UGT2B7: variants seen among roughly 807,000 people sequenced by gnomAD.
UGT2B7 encodes UDP-glucuronosyltransferase 2B7.
UGT2B7 carries 51 observed loss-of-function variants against 51.9 expected under a neutral mutation model. The observed-to-expected ratio is 0.98, with a 90% CI of 0.78 to 1.24. The LOEUF is 1.24. UGT2B7 is among the 50% of genes most tolerant of loss of function. The pLI, the probability that UGT2B7 is intolerant of heterozygous loss-of-function variation, is 0.00. For missense variants in UGT2B7, 727 were observed against 628.4 expected (o/e 1.16, Z -1.68); for synonymous variants, 225 against 211.6 (o/e 1.06, Z -0.55).
chr4:69,057,703 G>C (rs2109860537), intron 1 of UGT2B7, among the ~76,000 whole-genome samples: 1 of 152,346 alleles, frequency 6.6e-6, no homozygotes, highest in Admixed American at 6.5e-5. Flanking sequence ...TGAATGTGCT[G>C]TGTTGTAACT....
At chr4:69,092,197 C>T (rs11730928), upstream of UGT2B7, among the ~76,000 whole-genome samples, 20,928 of 152,160 alleles carry the variant, frequency 0.14, 1,653 homozygotes, top group East Asian at 0.22. Flanking sequence ...ATCTTGCCTC[C>T]CAAAGTTCTG....
intron 1 of UGT2B7, among the ~76,000 whole-genome samples, chr4:69,052,160 A>G (rs1718036544): frequency 6.6e-6 from 1 of 152,234 alleles, no homozygotes; most frequent in African/African-American, 2.4e-5. Flanking sequence ...CATCAGAAGG[A>G]AGCCTGGACA....
chr4:69,071,381 G>A (rs1209221084), intron 1 of UGT2B7, among the ~76,000 whole-genome samples: 1 of 152,096 alleles, frequency 6.6e-6, no homozygotes, highest in Non-Finnish European at 1.5e-5. Flanking sequence ...GGAATAAAGA[G>A]CCAAATACCA....
chr4:69,071,881 A>G (rs1421158999), intron 1 of UGT2B7, among the ~76,000 whole-genome samples: 1 of 152,094 alleles, frequency 6.6e-6, no homozygotes, highest in African/African-American at 2.4e-5. Flanking sequence ...TGGGGAAATT[A>G]TGTAGCTCAA....
chr4:69,101,530 C>G (rs1254064540), intron 2 of UGT2B7, among the ~76,000 whole-genome samples: 4 of 152,000 alleles, frequency 2.6e-5, no homozygotes, highest in Non-Finnish European at 5.9e-5. Flanking sequence ...ACACTGAACA[C>G]CAGTTACATT....
At chr4:69,090,554 C>T (rs1191691407) in intron 2 of UGT2B7, among the ~76,000 whole-genome samples, 1 of 151,814 alleles carries the variant, frequency 6.6e-6, no homozygotes, top group Non-Finnish European at 1.5e-5. Flanking sequence ...TATCCAAAAA[C>T]AAACAGCAAA....
Position 69,097,131 on chromosome 4 carries a change from A to T in UGT2B7, c.611A>T (p.Gln204Leu). 1 of 1,613,702 alleles carries T rather than the reference A, an allele frequency of 6.2e-7. No homozygotes were observed. Among genetic ancestry groups the T allele is most frequent in the East Asian group, 2.2e-5 (1 of 44,852 alleles). Reference sequence around the variant, plus strand: ...GTTGTTATGTCAGAATTAACTGATCAAATGACTTTCATGGAGAGGGTAAAA... The same window carrying T: ...GTTGTTATGTCAGAATTAACTGATCTAATGACTTTCATGGAGAGGGTAAAA... The part of the protein sequence containing the change: ...VPVVMSELTD[Q>L]MTFMERVKNM... The change falls in exon 1 of 6, where the codon CAA (glutamine) becomes CTA (leucine). Residue 204 changes from glutamine (Q) to leucine (L), a missense_variant. Gln to Leu is a moderately radical substitution (Grantham distance 113). Coordinates refer to ENST00000305231, the MANE Select transcript of UGT2B7 (RefSeq NM_001074.4).
intron 1 of UGT2B7, among the ~76,000 whole-genome samples, chr4:69,097,725 G>A (rs1054686995): frequency 1.3e-4 from 20 of 151,954 alleles, no homozygotes; most frequent in Non-Finnish European, 2.8e-4. Context: ...ACAGTAAAGA[G>A]AGATAATGTC....
At chr4:69,071,748 A>G (rs1332049470) in intron 1 of UGT2B7, among the ~76,000 whole-genome samples, 1 of 152,122 alleles carries the variant, frequency 6.6e-6, no homozygotes, top group African/African-American at 2.4e-5. Context: ...AACTTTGAAC[A>G]CATAGTCTTG....
chr4:69,102,694 C>T, intron 2 of UGT2B7, 113 bp from the exon 3 acceptor site: 3 of 1,477,802 alleles, frequency 2.0e-6, no homozygotes, highest in Admixed American at 2.3e-5. Context: ...TTATTTACTC[C>T]AATAATTCCT....
intron 1 of UGT2B7, among the ~76,000 whole-genome samples, chr4:69,075,812 G>T (rs770176539): frequency 2.0e-4 from 30 of 152,084 alleles, no homozygotes; most frequent in Admixed American, 9.8e-4. Flanking sequence ...TAAGTTCTGG[G>T]CTACATGTGC....
chr4:69,064,030 A>AAGACAGAC (rs1231748180), intron 1 of UGT2B7, among the ~76,000 whole-genome samples: 1 of 80,704 alleles, frequency 1.2e-5, no homozygotes, highest in African/African-American at 6.7e-5. Flanking sequence ...GAAAGAAAGA[A>AAGACAGAC]AGAAAGAAAG....
chr4:69,103,533 T>C (rs1368890047), intron 3 of UGT2B7, among the ~76,000 whole-genome samples: 5 of 152,218 alleles, frequency 3.3e-5, no homozygotes, highest in Non-Finnish European at 7.3e-5. Flanking sequence ...ACTCAATATA[T>C]TTCAGTTAAG....
Position 69,096,550 on chromosome 4 carries a change from G to A in UGT2B7, c.30G>A (p.Leu10=), listed in dbSNP as rs1458035928. 2 of 1,613,746 alleles carry A rather than the reference G, an allele frequency of 1.2e-6. No individual in the cohort carries two copies. Among genetic ancestry groups the A allele is most frequent in the Admixed American group, 1.7e-5 (1 of 59,960 alleles). The part of the protein sequence containing the change: MSVKWTSVI[L]LIQLSFCFSS... ...CTGTGAAATGGACTTCAGTAATTTT[G>A]CTAATACAACTGAGCTTTTGCTTTA... is the stretch of plus-strand genomic sequence containing the variant. The change falls in exon 1 of 6, where the codon TTG becomes TTA. Residue 10 remains leucine, a synonymous_variant. Coordinates refer to ENST00000305231, the MANE Select transcript of UGT2B7 (RefSeq NM_001074.4).
chr4:69,053,218 A>C (rs536703382), intron 1 of UGT2B7, among the ~76,000 whole-genome samples: 5 of 152,360 alleles, frequency 3.3e-5, no homozygotes, highest in African/African-American at 1.2e-4. Context: ...ATATAAAGGT[A>C]AAATTTAGCT....
At chr4:69,055,855 A>G (rs972156681) in intron 1 of UGT2B7, among the ~76,000 whole-genome samples, 6 of 152,246 alleles carry the variant, frequency 3.9e-5, no homozygotes, top group African/African-American at 1.4e-4. Flanking sequence ...CCTGTAAGGC[A>G]GCTTAGCTGT....
intron 1 of UGT2B7, among the ~76,000 whole-genome samples, chr4:69,082,049 G>T (rs1718849493): frequency 6.6e-6 from 1 of 151,984 alleles, no homozygotes; most frequent in African/African-American, 2.4e-5. Flanking sequence ...CTGTCCTGGT[G>T]ATCTGTGATT....
chr4:69,096,625 T>C lies in UGT2B7; in HGVS notation c.105T>C (p.His35=). The C allele has an allele frequency of 1.2e-6, 2 of 1,613,968 alleles. No individual in the cohort carries two copies. The highest frequency in any genetic ancestry group is 1.7e-6 in the Non-Finnish European group (2 of 1,179,896). Reference sequence around the variant, plus strand: ...TGGTGTGGGCAGCAGAATACAGCCATTGGATGAATATAAAGACAATCCTGG... The same window carrying C: ...TGGTGTGGGCAGCAGAATACAGCCACTGGATGAATATAAAGACAATCCTGG... ...KVLVWAAEYS[H]WMNIKTILDE... Residue 35 remains histidine (H), a synonymous_variant, in exon 1 of 6, where the codon CAT becomes CAC. Coordinates refer to ENST00000305231, the MANE Select transcript of UGT2B7 (RefSeq NM_001074.4).
At chr4:69,086,892 GT>G (rs1718972237) in intron 1 of UGT2B7, among the ~76,000 whole-genome samples, 1 of 151,876 alleles carries the variant, frequency 6.6e-6, no homozygotes, top group African/African-American at 2.4e-5. Context: ...CAACAATACA[GT>G]TGAGTTTTAA....
Sources: allele counts gnomAD v4.1 joint callset (sites outside exome capture counted in the v4.1 genomes callset), GRCh38; gene constraint gnomAD v4.1.1; transcripts MANE v1.5; gene names NCBI Gene and HGNC (gene_info 2026-07-23, HGNC 2026-07-21).